The following KMT2C variants were observed in gnomAD, a reference collection of about 807,000 sequenced individuals.
KMT2C encodes the protein histone-lysine N-methyltransferase 2C.
A neutral mutation model predicts 507.9 loss-of-function variants in KMT2C; 88 were observed. The observed-to-expected ratio is 0.17, with a 90% CI of 0.15 to 0.21. The LOEUF is 0.21. Ranked by LOEUF, KMT2C falls within the 10% of genes least tolerant of loss-of-function variation. The pLI is 1.00. For missense variants in KMT2C, 4,954 were observed against 5,957.8 expected (o/e 0.83, Z 5.55); for synonymous variants, 2,049 against 2,080.8 (o/e 0.98, Z 0.42).
intron 44 of KMT2C, chr7:152,157,773 C>A (rs539181972): frequency 1.6e-6 from 2 of 1,279,982 alleles, no homozygotes; most frequent in South Asian, 1.3e-5. Flanking sequence ...TGTAGATCAA[C>A]TGAGAATAGT....
At position 152,332,851 on chromosome 7, in the gene KMT2C, A is replaced by AACACACACACACAC. The variant is rs35781658; in HGVS notation, c.251-2126_251-2113dup. Among the ~76,000 whole-genome samples, 1,366 of 138,568 alleles carry AACACACACACACAC rather than the reference A, an allele frequency of 9.9e-3. 12 individuals carry two copies. Among genetic ancestry groups the AACACACACACACAC allele is most frequent in the South Asian group, 0.024 (100 of 4,152 alleles). 90.9% of individuals were successfully genotyped at this position (138,568 alleles called of 152,430 possible). ...CAACAGGAATGAAACTGCGTCTCAA[A>AACACACACACACAC]ACACACACACACACACACACACACA... On this transcript the variant is annotated intron_variant, in intron 2 of 58. Coordinates refer to ENST00000262189, the MANE Select transcript of KMT2C (RefSeq NM_170606.3).
chr7:152,286,907 C>T (rs1041200948), intron 6 of KMT2C, among the ~76,000 whole-genome samples: 3 of 152,160 alleles, frequency 2.0e-5, no homozygotes, highest in Non-Finnish European at 4.4e-5. Context: ...AGCAGGGAAG[C>T]GGCAGGCTAC....
At chr7:152,149,792 A>G (rs1037721323) in intron 51 of KMT2C, among the ~76,000 whole-genome samples, 1 of 152,204 alleles carries the variant, frequency 6.6e-6, no homozygotes, top group Admixed American at 6.5e-5. Flanking sequence ...GAGTATCATA[A>G]ACTAATAAAC....
intron 1 of KMT2C, among the ~76,000 whole-genome samples, chr7:152,430,184 G>GAAAAAAAAAAAAAAAAA (rs59960992): frequency 1.1e-5 from 1 of 87,132 alleles, no homozygotes; most frequent in Non-Finnish European, 2.5e-5. Context: ...TCAAAAAAAA[G>GAAAAAAAAAAAAAAAAA]AAAAAAAAAA....
intron 7 of KMT2C, among the ~76,000 whole-genome samples, chr7:152,266,228 A>G (rs1588713737): frequency 1.3e-5 from 2 of 152,070 alleles, no homozygotes; most frequent in South Asian, 4.1e-4. Context: ...CAAGTATCAC[A>G]AAGTATATGA....
At chr7:152,235,218 T>C (rs897839961) in intron 16 of KMT2C, among the ~76,000 whole-genome samples, 2 of 151,238 alleles carry the variant, frequency 1.3e-5, no homozygotes, top group Non-Finnish European at 2.9e-5. Flanking sequence ...TATATATATA[T>C]ATATATCAAA....
rs2093274085 is a variant in KMT2C, at chr7:152,177,933, C to T, written c.7520G>A (p.Gly2507Glu). Residue 2507 changes from glycine (G) to glutamate (E), a missense_variant, in exon 38 of 59, where the codon GGA becomes GAA. Transcript: ENST00000262189. ...TCTTAGCTGTGGAGAAACTCCAGAT[C>T]CCTGTATTTGCTGAGGAGGCACAAG... Reference protein sequence around the residue: ...RFLVPPQQIQGSGVSPQLRRS... With the variant: ...RFLVPPQQIQESGVSPQLRRS... 6.2e-7 allele frequency: 1 copy of T among 1,604,086 alleles called. No individual in the cohort carries two copies. Among genetic ancestry groups the T allele is most frequent in the Non-Finnish European group, 8.5e-7 (1 of 1,178,378 alleles).
intron 44 of KMT2C, among the ~76,000 whole-genome samples, chr7:152,157,108 G>C (rs2092104700): frequency 6.7e-6 from 1 of 150,318 alleles, no homozygotes; most frequent in Admixed American, 6.6e-5. Flanking sequence ...TCTTTTTGGA[G>C]ACAGAGACTT....
chr7:152,316,113 G>A (rs754172856), intron 3 of KMT2C, among the ~76,000 whole-genome samples: 1 of 152,076 alleles, frequency 6.6e-6, no homozygotes, highest in Non-Finnish European at 1.5e-5. Flanking sequence ...ATAGTTCCTG[G>A]GTTGAGTGGT....
At position 152,162,243 on chromosome 7, in the gene KMT2C, T is replaced by G; in HGVS notation, c.11334A>C (p.Lys3778Asn). Reference sequence around the variant, plus strand: ...ATGACTTTTTATTTTTCAACAAGTGTTTCAGAAGTTCATTCCCTGAGTCTC... The same window carrying G: ...ATGACTTTTTATTTTTCAACAAGTGGTTCAGAAGTTCATTCCCTGAGTCTC... ...AKGDSGNELL[K>N]HLLKNKKSSS... Residue 3778 changes from lysine to asparagine, a missense_variant, in exon 43 of 59, where the codon AAA becomes AAC. By Grantham distance (94) the Lys-to-Asn change is moderately conservative. Coordinates refer to ENST00000262189, the MANE Select transcript of KMT2C (RefSeq NM_170606.3). 16 of 1,614,188 alleles carry G rather than the reference T, an allele frequency of 9.9e-6. No homozygotes were observed. Among genetic ancestry groups the G allele is most frequent in the Non-Finnish European group, 1.4e-5 (16 of 1,180,010 alleles).
intron 23 of KMT2C, among the ~76,000 whole-genome samples, chr7:152,210,514 TA>T (rs2094430536): frequency 6.6e-6 from 1 of 152,086 alleles, no homozygotes; most frequent in East Asian, 1.9e-4. Context: ...TAAACTTTCA[TA>T]AAACATTATG....
intron 1 of KMT2C, among the ~76,000 whole-genome samples, chr7:152,398,229 T>C (rs996159440): frequency 6.6e-6 from 1 of 152,214 alleles, no homozygotes; most frequent in Non-Finnish European, 1.5e-5. Context: ...GGGCAGGAGC[T>C]TGGTCTCTCT....
Position 152,302,145 on chromosome 7 carries a change from C to T in KMT2C, c.849+7821G>A, listed in dbSNP as rs181400535. On this transcript the variant is annotated intron_variant, in intron 6 of 58. Transcript: ENST00000262189. Reference sequence around the variant, plus strand: ...ACAATGAAATTTCAATATAGAATTACAGCAGGGGATGAGGGTGGAGAAGGA... The same window carrying T: ...ACAATGAAATTTCAATATAGAATTATAGCAGGGGATGAGGGTGGAGAAGGA... 2.6e-5 allele frequency among the ~76,000 whole-genome samples: 4 copies of T among 152,246 alleles called. No homozygotes were observed. The East Asian group carries it at 7.7e-4, about 29-fold the overall frequency.
intron 1 of KMT2C, among the ~76,000 whole-genome samples, chr7:152,374,171 C>A (rs913907551): frequency 1.7e-4 from 26 of 151,732 alleles, no homozygotes; most frequent in Admixed American, 9.2e-4. Flanking sequence ...CAAAAATTAG[C>A]CAGGCATGGT....
intron 2 of KMT2C, among the ~76,000 whole-genome samples, chr7:152,343,694 T>C (rs776933771): frequency 2.6e-4 from 39 of 151,830 alleles, no homozygotes; most frequent in Admixed American, 1.2e-3. Flanking sequence ...GGGAAAAAAA[T>C]ACCTAAGGTA....
intron 10 of KMT2C, 47 bp from the exon 11 acceptor site, chr7:152,252,137 T>C (rs755170634): frequency 2.2e-6 from 3 of 1,387,998 alleles, no homozygotes; most frequent in African/African-American, 1.4e-5. Flanking sequence ...CATCGAGTTA[T>C]TATCTAGGTA....
rs761998089 is a variant in KMT2C at position 152,263,144 on chromosome 7, T to C, written c.1185-14A>G. ...TCTCCCGATTGTCTAAAAAATAAGA[T>C]AGCATTAATGATGCCTTATCTTTAA... is the stretch of plus-strand genomic sequence containing the variant. On this transcript the variant is annotated splice_polypyrimidine_tract_variant and intron_variant, in intron 8 of 58. Coordinates refer to ENST00000262189, the MANE Select transcript of KMT2C (RefSeq NM_170606.3). The C allele has an allele frequency of 3.8e-6, 6 of 1,597,570 alleles. No homozygotes were observed. Among genetic ancestry groups the C allele is most frequent in the South Asian group, 2.2e-5 (2 of 89,344 alleles).
In KMT2C at chr7:152,187,736, T is replaced by C. The variant is rs1363818847; in HGVS notation, c.4772A>G (p.Gln1591Arg). ...SGLGTFSAIA[Q>R]SSYPDARDKN... ...GTACCTGGCATCAGGATAAGAGGATTGTGCAATTGCAGAGAAAGTTCCCAG... is the reference window on the plus strand; with the variant it reads ...GTACCTGGCATCAGGATAAGAGGATCGTGCAATTGCAGAGAAAGTTCCCAG... Residue 1591 changes from glutamine to arginine, a missense_variant, in exon 32 of 59, where the codon CAA (glutamine) becomes CGA (arginine). By Grantham distance (43) the Gln-to-Arg change is conservative. This residue lies in a region of KMT2C where 195 missense variants were observed against 183.7 expected (regional missense o/e 1.06). Transcript: ENST00000262189. 3 of 1,613,956 alleles carry C rather than the reference T, an allele frequency of 1.9e-6. No individual in the cohort carries two copies. In the African/African-American group the frequency reaches 4.0e-5, roughly 22 times the overall value.
At chr7:152,256,027 G>A (rs1249159175) in intron 9 of KMT2C, among the ~76,000 whole-genome samples, 3 of 152,058 alleles carry the variant, frequency 2.0e-5, no homozygotes, top group Admixed American at 6.5e-5. Context: ...AAATTAGCTG[G>A]GCGTGGTGGC....
Sources: allele counts gnomAD v4.1 joint callset (sites outside exome capture counted in the v4.1 genomes callset), GRCh38; gene constraint gnomAD v4.1.1; regional missense constraint gnomAD v4.1.1; transcripts MANE v1.5; gene names NCBI Gene and HGNC (gene_info 2026-07-23, HGNC 2026-07-21).